Variants in MYH4 observed in about 807,000 individuals in gnomAD.
The protein encoded by MYH4 is myosin heavy chain 4, also known as myosin-4.
MYH4 carries 200 observed loss-of-function variants against 229.9 expected under a neutral mutation model. The observed-to-expected ratio is 0.87, with a 90% CI of 0.78 to 0.98. The LOEUF (loss-of-function observed/expected upper bound fraction) is 0.98, where lower values mean the gene tolerates loss of function less well. Among genes scored for constraint, MYH4 ranks in the 50% least tolerant of loss-of-function variants. The pLI, the probability that MYH4 is intolerant of heterozygous loss-of-function variation, is 0.00. For synonymous variants in MYH4, 761 were observed against 834.6 expected, an observed-to-expected ratio of 0.91 and a Z score of 1.52; for missense variants, 2,148 against 2,332.6, an observed-to-expected ratio of 0.92 and a Z score of 1.63.
rs1054658594 is a variant in MYH4, at chr17:10,466,789, A to G, written c.-39-5T>C. The stretch of plus-strand genomic sequence containing the variant: ...GCAGTACTGGACTAGGTATACCTAG[A>G]GGAAGAAACAGAGCCAAATGATGAT... On this transcript the variant is annotated splice_polypyrimidine_tract_variant and splice_region_variant and intron_variant, in intron 2 of 39. Coordinates refer to ENST00000255381, the MANE Select transcript of MYH4 (RefSeq NM_017533.2). 2.5e-6 allele frequency: 4 copies of G among 1,603,806 alleles called. No homozygotes were observed. The highest frequency in any genetic ancestry group is 3.4e-6 in the Non-Finnish European group (4 of 1,171,298).
chr17:10,448,371 A>T (rs780953405), intron 33 of MYH4, 25 bp downstream of exon 33: 1 of 1,598,410 alleles, frequency 6.3e-7, no homozygotes, highest in East Asian at 2.2e-5. Flanking sequence ...TTTATAATGC[A>T]GAGCTAAGCA....
chr17:10,450,798 C>A lies in MYH4; in HGVS notation c.3963G>T (p.Arg1321Ser). ...TCACCTTAGTCTCCTCTTCTAGCTGCCTCTTTAATTCTTCAATCTGTTGTG... is the reference window on the plus strand; with the variant it reads ...TCACCTTAGTCTCCTCTTCTAGCTGACTCTTTAATTCTTCAATCTGTTGTG... ...AFTQQIEELK[R>S]QLEEETKAKS... The change falls in exon 29 of 40, where the codon AGG (arginine) becomes AGT (serine). Residue 1321 changes from arginine to serine, a missense_variant. Physicochemically the swap from Arg to Ser is moderately radical, Grantham distance 110. Transcript: ENST00000255381. The A allele has an allele frequency of 6.2e-7, 1 of 1,613,886 alleles. No homozygotes were observed. The highest frequency in any genetic ancestry group is 8.5e-7 in the Non-Finnish European group (1 of 1,179,792).
chr17:10,457,833 G>T, intron 15 of MYH4, 104 bp from the exon 16 acceptor site: 2 of 1,408,340 alleles, frequency 1.4e-6, no homozygotes, highest in South Asian at 2.9e-5. Context: ...AGAAGACTTT[G>T]AATGATAAAT....
chr17:10,462,199 A>G (rs1481787892), intron 11 of MYH4, among the ~76,000 whole-genome samples: 1 of 152,216 alleles, frequency 6.6e-6, no homozygotes, highest in Non-Finnish European at 1.5e-5. Flanking sequence ...AATAAGGAAG[A>G]TTATTCAGAA....
chr17:10,445,622 A>G lies in MYH4; in HGVS notation c.5170-260T>C, dbSNP rs1051338508. 7.2e-5 allele frequency among the ~76,000 whole-genome samples: 11 copies of G among 152,174 alleles called. No individual in the cohort carries two copies. The East Asian group carries it at 9.6e-4, about 13-fold the overall frequency. On this transcript the variant is annotated intron_variant, in intron 35 of 39. Coordinates refer to ENST00000255381, the MANE Select transcript of MYH4 (RefSeq NM_017533.2). The stretch of plus-strand genomic sequence containing the variant: ...TTTGTAAGCATGAAACACAGCCCAC[A>G]AAACTCAAAGTGCTGTACCATGGAG...
Position 10,451,417 on chromosome 17 carries a change from G to T in MYH4, c.3774C>A (p.Asp1258Glu). 1.9e-6 allele frequency: 3 copies of T among 1,613,830 alleles called. No individual in the cohort carries two copies. The highest frequency in any genetic ancestry group is 1.7e-6 in the Non-Finnish European group (2 of 1,179,926). ...NFEKMCRTLEDQLSEIKTKEE... is the reference protein window; with the variant it reads ...NFEKMCRTLEEQLSEIKTKEE... ...CCTTTGTTTTTATTTCACTAAGCTGGTCCTCTAGGGTGCGGCACATTTTCT... is the reference window on the plus strand; with the variant it reads ...CCTTTGTTTTTATTTCACTAAGCTGTTCCTCTAGGGTGCGGCACATTTTCT... Residue 1258 changes from aspartate (D) to glutamate (E), a missense_variant, in exon 28 of 40, where the codon GAC (aspartate) becomes GAA (glutamate). By Grantham distance (45) the Asp-to-Glu change is conservative. Coordinates refer to ENST00000255381, the MANE Select transcript of MYH4 (RefSeq NM_017533.2).
At position 10,455,636 on chromosome 17, in the gene MYH4, G is replaced by C. The variant is rs763593260; in HGVS notation, c.2152C>G (p.Leu718Val). ...AACCTCTGTTTGAAGTCTGCATAAA[G>C]GATTCTGCTTGGGAAGCCTTTCCTG... ...ICRKGFPSRI[L>V]YADFKQRYKV... The change falls in exon 19 of 40, where the codon CTT (leucine) becomes GTT (valine). Residue 718 changes from leucine (L) to valine (V), a missense_variant. Transcript: ENST00000255381. 6.2e-7 allele frequency: 1 copy of C among 1,614,048 alleles called. No individual in the cohort carries two copies. The highest frequency in any genetic ancestry group is 8.5e-7 in the Non-Finnish European group (1 of 1,179,912).
Position 10,465,525 on chromosome 17 carries a change from G to A in MYH4, c.422C>T (p.Thr141Ile), listed in dbSNP as rs758786222. ...CTGGCGCTTTTTGCCTCGGTAGGCT[G>A]TCACCACCTCAGGGTTGTACACCGG... ...WLPVYNPEVV[T>I]AYRGKKRQEA... The change falls in exon 5 of 40, where the codon ACA becomes ATA. Residue 141 changes from threonine to isoleucine, a missense_variant. Coordinates refer to ENST00000255381, the MANE Select transcript of MYH4 (RefSeq NM_017533.2). 6.2e-7 allele frequency: 1 copy of A among 1,614,144 alleles called. No homozygotes were observed. Among genetic ancestry groups the A allele is most frequent in the South Asian group, 1.1e-5 (1 of 91,080 alleles).
rs367991810 is a variant in MYH4, at chr17:10,463,442, C to T, written c.742-41G>A. 1.7e-5 allele frequency: 27 copies of T among 1,592,068 alleles called. No individual in the cohort carries two copies. The East Asian group carries it at 5.8e-4, about 34-fold the overall frequency. ...GAGGGATTATTATACACATTAAAAT[C>T]AGAAACTATTTCTTTAGCTGTGGAC... On this transcript the variant is annotated intron_variant, in intron 8 of 39. Coordinates refer to ENST00000255381, the MANE Select transcript of MYH4 (RefSeq NM_017533.2).
rs2072606218 is a variant in MYH4, at chr17:10,453,777, C to G, written c.2800G>C (p.Glu934Gln). Residue 934 changes from glutamate (E) to glutamine (Q), a missense_variant, in exon 23 of 40, where the codon GAA becomes CAA. Physicochemically the swap from Glu to Gln is conservative, Grantham distance 29. Transcript: ENST00000255381. Reference protein sequence around the residue: ...KEVTERAEDEEEINAELTAKK... With the variant: ...KEVTERAEDEQEINAELTAKK... ...GCTGTCAGCTCAGCATTGATCTCTT[C>G]CTCATCCTCAGCTCTTTCAGTTACC... is the stretch of plus-strand genomic sequence containing the variant. The G allele has an allele frequency of 6.2e-7, 1 of 1,613,938 alleles. No homozygotes were observed. The highest frequency in any genetic ancestry group is 1.3e-5 in the African/African-American group (1 of 74,904).
At chr17:10,445,438 A>G (rs956724588) in intron 35 of MYH4, 76 bp from the exon 36 acceptor site, 3 of 1,546,958 alleles carry the variant, frequency 1.9e-6, no homozygotes, top group Middle Eastern at 1.7e-4. Flanking sequence ...CCTAGTGTAC[A>G]CAGGCAAAAA....
intron 8 of MYH4, 61 bp downstream of exon 8, chr17:10,463,490 A>G: frequency 6.4e-7 from 1 of 1,572,800 alleles, no homozygotes; most frequent in African/African-American, 1.4e-5. Context: ...AAAAATATTG[A>G]CACCACATGC....
rs8065659 is a variant in MYH4 at position 10,467,462 on chromosome 17, A to G, written c.-39-678T>C. ...AATTTTGCCCTAAGTTAAAATTAAAATCTCCTTTATTAGTTTTGAAATTGT... is the reference window on the plus strand; with the variant it reads ...AATTTTGCCCTAAGTTAAAATTAAAGTCTCCTTTATTAGTTTTGAAATTGT... On this transcript the variant is annotated intron_variant, in intron 2 of 39. Coordinates refer to ENST00000255381, the MANE Select transcript of MYH4 (RefSeq NM_017533.2). 3.6e-3 allele frequency among the ~76,000 whole-genome samples: 554 copies of G among 152,346 alleles called. 2 individuals carry two copies. The highest frequency in any genetic ancestry group is 0.013 in the African/African-American group (522 of 41,588).
rs200793281 is a variant in MYH4 at position 10,450,562 on chromosome 17, T to C, written c.4072A>G (p.Lys1358Glu). ...GACATTCCCCTCTGCAGCTCAGCCT[T>C]GGCTTCCTGCTCCTCCTCATACTGT... ...REQYEEEQEA[K>E]AELQRGMSKA... The change falls in exon 30 of 40, where the codon AAG becomes GAG. Residue 1358 changes from lysine (K) to glutamate (E), a missense_variant. Transcript: ENST00000255381. The C allele has an allele frequency of 6.2e-7, 1 of 1,614,214 alleles. No individual in the cohort carries two copies. Among genetic ancestry groups the C allele is most frequent in the East Asian group, 2.2e-5 (1 of 44,892 alleles).
intron 35 of MYH4, among the ~76,000 whole-genome samples, chr17:10,445,856 G>A (rs746712294): frequency 8.6e-5 from 13 of 151,704 alleles, no homozygotes; most frequent in African/African-American, 1.9e-4. Context: ...GTGAAACCCC[G>A]TCTCTACTAA....
At chr17:10,460,455 T>A in intron 12 of MYH4, 134 bp from the exon 13 acceptor site, 1 of 707,478 alleles carries the variant, frequency 1.4e-6, no homozygotes, top group South Asian at 2.3e-5. Context: ...TTTCATTTGT[T>A]CATATTGCCT....
chr17:10,454,557 C>G lies in MYH4; in HGVS notation c.2689G>C (p.Ala897Pro), dbSNP rs1387998336. ...GAACTGCAATGTATAATACTTACAG[C>G]TTGAACTTGGAGTTGTAAGTCATTT... ...EKNDLQLQVQ[A>P]EADALADAEE... Residue 897 changes from alanine (A) to proline (P), a missense_variant and splice_region_variant, in exon 22 of 40, where the codon GCT (alanine) becomes CCT (proline). By Grantham distance (27) the Ala-to-Pro change is conservative (BLOSUM62 -1). Transcript: ENST00000255381. The G allele has an allele frequency of 1.7e-5, 28 of 1,613,436 alleles. No homozygotes were observed. The highest frequency in any genetic ancestry group is 2.3e-5 in the Non-Finnish European group (27 of 1,179,896).
intron 23 of MYH4, 122 bp from the exon 24 acceptor site, chr17:10,453,450 C>G: frequency 6.4e-7 from 1 of 1,572,520 alleles, no homozygotes; most frequent in Non-Finnish European, 8.6e-7. Context: ...CAGGAGCTAA[C>G]CCAGGCCTAT....
Position 10,451,320 on chromosome 17 carries a change from A to G in MYH4, c.3865+6T>C, listed in dbSNP as rs749785633. On this transcript the variant is annotated splice_donor_region_variant and intron_variant, in intron 28 of 39. Coordinates refer to ENST00000255381, the MANE Select transcript of MYH4 (RefSeq NM_017533.2). ...CTCCGAAGGTTGATGCTATTTATTTACTGACCTGATTCTGTGTGTAAACGT... is the reference window on the plus strand; with the variant it reads ...CTCCGAAGGTTGATGCTATTTATTTGCTGACCTGATTCTGTGTGTAAACGT... 12 of 1,613,060 alleles carry G rather than the reference A, an allele frequency of 7.4e-6. No individual in the cohort carries two copies. Among genetic ancestry groups the G allele is most frequent in the Middle Eastern group, 1.6e-4 (1 of 6,078 alleles).
Sources: allele counts gnomAD v4.1 joint callset (sites outside exome capture counted in the v4.1 genomes callset), GRCh38; gene constraint gnomAD v4.1.1; transcripts MANE v1.5; gene names NCBI Gene and HGNC (gene_info 2026-07-23, HGNC 2026-07-21).